Variants in MAP2 observed in about 807,000 individuals in gnomAD.
MAP2 encodes microtubule associated protein 2, also known as microtubule-associated protein 2.
In MAP2, 14 loss-of-function variants were observed where a neutral mutation model predicts 137.6. That is an observed-to-expected ratio of 0.10 (90% CI 0.07 to 0.16). MAP2 has a LOEUF of 0.16. MAP2 is among the 10% of genes least tolerant of loss of function. MAP2 has a pLI of 1.00. For synonymous variants in MAP2, 786 were observed against 782.3 expected (o/e 1.00, Z -0.08); for missense variants, 2,088 against 2,191.5 (o/e 0.95, Z 0.94).
intron 5 of MAP2, among the ~76,000 whole-genome samples, chr2:209,674,623 A>G: frequency 7.0e-6 from 1 of 143,444 alleles, no homozygotes; most frequent in East Asian, 2.0e-4. Flanking sequence ...ATATAGATAG[A>G]TGGATGGATG....
At chr2:209,543,132 T>C (rs1036699981) in intron 2 of MAP2, among the ~76,000 whole-genome samples, 2 of 152,186 alleles carry the variant, frequency 1.3e-5, no homozygotes, top group African/African-American at 4.8e-5. Flanking sequence ...GAGTTATAAA[T>C]TGGCTTAATT....
At chr2:209,528,224 A>G (rs16843052) in intron 2 of MAP2, among the ~76,000 whole-genome samples, 2,762 of 152,024 alleles carry the variant, frequency 0.018, 88 homozygotes, top group African/African-American at 0.063. Context: ...TGGTATATGT[A>G]TAAATTCAAC....
In MAP2 at chr2:209,653,265, A is replaced by C. The variant is rs1350309475; in HGVS notation, c.95A>C (p.Lys32Thr). 2 of 1,614,128 alleles carry C rather than the reference A, an allele frequency of 1.2e-6. No homozygotes were observed. The highest frequency in any genetic ancestry group is 1.7e-6 in the Non-Finnish European group (2 of 1,180,006). Reference protein sequence around the residue: ...ASAHSHPPEIKDQGGAGEGLV... With the variant: ...ASAHSHPPEITDQGGAGEGLV... ...GCACACTCACATCCACCTGAGATTAAGGATCAAGGCGGAGCAGGGGAAGGA... is the reference window on the plus strand; with the variant it reads ...GCACACTCACATCCACCTGAGATTACGGATCAAGGCGGAGCAGGGGAAGGA... The change falls in exon 5 of 16, where the codon AAG (lysine) becomes ACG (threonine). Residue 32 changes from lysine (K) to threonine (T), a missense_variant. Around this residue, in one of 6 missense-constraint regions of MAP2, gnomAD observed 859 missense variants for 794.5 expected, o/e 1.08. Coordinates refer to ENST00000682079, the MANE Select transcript of MAP2 (RefSeq NM_001375505.1).
chr2:209,581,639 A>G (rs1293834754), intron 3 of MAP2, among the ~76,000 whole-genome samples: 1 of 152,190 alleles, frequency 6.6e-6, no homozygotes, highest in African/African-American at 2.4e-5. Flanking sequence ...TCCAGAGAGC[A>G]TATATTTCAC....
chr2:209,603,472 C>G (rs374528761), intron 3 of MAP2, among the ~76,000 whole-genome samples: 1 of 152,022 alleles, frequency 6.6e-6, no homozygotes, highest in Non-Finnish European at 1.5e-5. Flanking sequence ...CAATCTGCCC[C>G]CAGTGATGTT....
intron 2 of MAP2, among the ~76,000 whole-genome samples, chr2:209,527,794 A>C (rs537394667): frequency 3.9e-5 from 6 of 152,288 alleles, no homozygotes; most frequent in Admixed American, 3.9e-4. Flanking sequence ...CCCCAGACCT[A>C]GTGAATCAGA....
intron 1 of MAP2, among the ~76,000 whole-genome samples, chr2:209,482,407 T>C (rs968160939): frequency 1.3e-5 from 2 of 152,214 alleles, no homozygotes; most frequent in Non-Finnish European, 2.9e-5. Flanking sequence ...AAATCCAATG[T>C]CAGCAGCATT....
intron 2 of MAP2, among the ~76,000 whole-genome samples, chr2:209,557,658 A>T (rs2071004853): frequency 6.6e-6 from 1 of 152,198 alleles, no homozygotes; most frequent in South Asian, 2.1e-4. Flanking sequence ...AGGGGCTCTG[A>T]AGAGTGAGAA....
rs76321441 is a variant in MAP2, at chr2:209,524,786, A to G, written c.-172+17145A>G. 7.6e-3 allele frequency among the ~76,000 whole-genome samples: 1,163 copies of G among 152,304 alleles called. 16 individuals carry two copies. The highest frequency in any genetic ancestry group is 0.027 in the African/African-American group (1,104 of 41,574). On this transcript the variant is annotated intron_variant, in intron 2 of 15. Transcript: ENST00000682079. ...TGAATCACAAGACATTCACTAATTT[A>G]TTTATGAATAAGCTTCTATGGATTA...
intron 1 of MAP2, among the ~76,000 whole-genome samples, chr2:209,442,539 A>G (rs973618641): frequency 6.6e-6 from 1 of 151,670 alleles, no homozygotes. Flanking sequence ...CTCTACCTCC[A>G]GTATTTTATT....
chr2:209,484,119 C>G (rs899231429), intron 1 of MAP2, among the ~76,000 whole-genome samples: 1 of 152,050 alleles, frequency 6.6e-6, no homozygotes, highest in African/African-American at 2.4e-5. Context: ...TCTATTTCTT[C>G]TAAGAACAAT....
intron 2 of MAP2, among the ~76,000 whole-genome samples, chr2:209,573,149 T>C (rs1325550792): frequency 6.6e-6 from 1 of 152,194 alleles, no homozygotes; most frequent in East Asian, 1.9e-4. Context: ...CAATTTGTAA[T>C]AATCTGGAAG....
intron 2 of MAP2, among the ~76,000 whole-genome samples, chr2:209,569,091 A>G (rs1421040299): frequency 1.3e-5 from 2 of 151,870 alleles, no homozygotes; most frequent in African/African-American, 2.4e-5. Flanking sequence ...ATAAGTAAAT[A>G]CTTTTTAAAA....
chr2:209,480,869 T>TCACTCTCCATCCCATTGTATCCCTCC (rs1708570121), intron 1 of MAP2, among the ~76,000 whole-genome samples: 1 of 152,150 alleles, frequency 6.6e-6, no homozygotes, highest in African/African-American at 2.4e-5. Context: ...TTTCTCTTTC[T>TCACTCTCCATCCCATTGTATCCCTCC]CACTCTCCAT....
chr2:209,710,901 C>G (rs188661187), intron 13 of MAP2: 2 of 152,438 alleles, frequency 1.3e-5, no homozygotes, highest in East Asian at 3.9e-4. Context: ...ACTTCAGCTC[C>G]CCAGAGCAAA....
intron 3 of MAP2, among the ~76,000 whole-genome samples, chr2:209,611,242 G>A (rs2086754342): frequency 6.6e-6 from 1 of 152,032 alleles, no homozygotes; most frequent in Non-Finnish European, 1.5e-5. Flanking sequence ...GAGCACTTGT[G>A]AGGAATGTAG....
At chr2:209,578,713 C>T (rs1055030200) in intron 2 of MAP2, among the ~76,000 whole-genome samples, 4 of 152,140 alleles carry the variant, frequency 2.6e-5, no homozygotes, top group African/African-American at 9.7e-5. Flanking sequence ...CACTTAACCT[C>T]CCTACACAAG....
rs1323766922 is a variant in MAP2, at chr2:209,676,779, A to G, written c.263-1793A>G. Among the ~76,000 whole-genome samples, 5 of 119,772 alleles carry G rather than the reference A, an allele frequency of 4.2e-5. No individual in the cohort carries two copies. In the East Asian group the frequency reaches 7.5e-4, roughly 18 times the overall value. The allele number at this position is 119,772 out of a possible 152,430, so 78.6% of individuals were successfully genotyped here. A position where few individuals can be genotyped will look rare whatever the true frequency, so the allele number is the denominator to read the frequency against. On this transcript the variant is annotated intron_variant, in intron 5 of 15. Coordinates refer to ENST00000682079, the MANE Select transcript of MAP2 (RefSeq NM_001375505.1). ...TATATATATATATATATATCTCCCA[A>G]TTTCTGCCATGATTGTTCCACCTCT...
intron 2 of MAP2, among the ~76,000 whole-genome samples, chr2:209,509,905 T>C (rs1229664913): frequency 6.6e-6 from 1 of 151,906 alleles, no homozygotes; most frequent in Non-Finnish European, 1.5e-5. Context: ...ATAGTTAAAT[T>C]GACAGCATTT....
Sources: gnomAD v4.1 joint callset for allele counts (sites outside exome capture counted in the v4.1 genomes callset) on GRCh38, gnomAD v4.1.1 for gene constraint, gnomAD v4.1.1 regional missense constraint, MANE v1.5 for transcripts, NCBI Gene and HGNC (gene_info 2026-07-23, HGNC 2026-07-21) for gene names.